Variants in DLGAP2 observed in about 807,000 individuals in gnomAD.
The protein encoded by DLGAP2 is DLG associated protein 2.
Under a neutral mutation model 100.3 loss-of-function variants are expected in DLGAP2, and 26 were observed. That is an observed-to-expected ratio of 0.26 (90% CI 0.19 to 0.36). DLGAP2 has a LOEUF of 0.36. Ranked by LOEUF, DLGAP2 falls within the 10% of genes least tolerant of loss-of-function variation. The pLI, the probability that DLGAP2 is intolerant of heterozygous loss-of-function variation, is 1.00. For synonymous variants in DLGAP2, 886 were observed against 630.1 expected (o/e 1.41, Z -6.08); for missense variants, 1,858 against 1,453.2 (o/e 1.28, Z -4.53).
intron 2 of DLGAP2, among the ~76,000 whole-genome samples, chr8:1,091,347 C>T (rs1223837105): frequency 6.6e-6 from 1 of 152,230 alleles, no homozygotes; most frequent in Non-Finnish European, 1.5e-5. Flanking sequence ...GTCTGCTGAG[C>T]ATTGGGTTGG....
chr8:1,592,063 C>CAAGGG (rs1796308729), intron 6 of DLGAP2, among the ~76,000 whole-genome samples: 2 of 152,164 alleles, frequency 1.3e-5, no homozygotes, highest in Non-Finnish European at 2.9e-5. Flanking sequence ...TCTCATTTAT[C>CAAGGG]CCTTATCCAC....
intron 3 of DLGAP2, among the ~76,000 whole-genome samples, chr8:1,284,744 TG>T (rs1799888944): frequency 1.3e-5 from 2 of 152,202 alleles, no homozygotes; most frequent in African/African-American, 4.8e-5. Context: ...CCCGAGTAGC[TG>T]GGACCACAGG....
At chr8:738,360 G>A (rs1004793413) in intron 1 of DLGAP2, among the ~76,000 whole-genome samples, 2 of 151,686 alleles carry the variant, frequency 1.3e-5, no homozygotes, top group African/African-American at 4.8e-5. Flanking sequence ...GGGCGACCAG[G>A]ATGGGGCCCT....
intron 6 of DLGAP2, among the ~76,000 whole-genome samples, chr8:1,607,670 C>G (rs9720612): frequency 6.6e-6 from 1 of 152,050 alleles, no homozygotes; most frequent in African/African-American, 2.4e-5. Flanking sequence ...TGGGCGCAGG[C>G]CAGTGGGTGC....
chr8:788,185 C>T (rs960636933), intron 1 of DLGAP2, among the ~76,000 whole-genome samples: 3 of 152,210 alleles, frequency 2.0e-5, no homozygotes, highest in South Asian at 2.1e-4. Context: ...GCTGGTACGT[C>T]GCTCCCAAAT....
chr8:1,449,482 G>A (rs1798076562), intron 3 of DLGAP2, among the ~76,000 whole-genome samples: 1 of 152,198 alleles, frequency 6.6e-6, no homozygotes, highest in South Asian at 2.1e-4. Context: ...GACGGCACCA[G>A]CGGGCATGGA....
At chr8:1,007,463 A>C (rs977228234) in intron 2 of DLGAP2, among the ~76,000 whole-genome samples, 1 of 152,248 alleles carries the variant, frequency 6.6e-6, no homozygotes, top group Non-Finnish European at 1.5e-5. Context: ...AGGCAAGAGC[A>C]AGTCAGCTGA....
chr8:1,237,375 T>TA, intron 2 of DLGAP2, among the ~76,000 whole-genome samples: 5 of 99,652 alleles, frequency 5.0e-5, no homozygotes, highest in East Asian at 3.1e-4. Context: ...GCGCCGTGTC[T>TA]GTTTCTCTCA....
intron 2 of DLGAP2, among the ~76,000 whole-genome samples, chr8:1,074,696 GA>G (rs1803548484): frequency 6.6e-6 from 1 of 152,212 alleles, no homozygotes; most frequent in South Asian, 2.1e-4. Context: ...TTGGGGAAAG[GA>G]AGAGAGCATT....
intron 2 of DLGAP2, among the ~76,000 whole-genome samples, chr8:925,936 C>G (rs549604414): frequency 4.6e-5 from 7 of 152,208 alleles, no homozygotes; most frequent in African/African-American, 1.7e-4. Flanking sequence ...AATGGGGTTG[C>G]GCTCACAGGA....
rs528984904 is a variant in DLGAP2 at position 1,581,869 on chromosome 8, C to T, written c.1442+15975C>T. ...ACAGACAAACCCCCACACATATATA[C>T]ACACCATAGTCAAACTACCAGAAGT... On this transcript the variant is annotated intron_variant, in intron 6 of 14. Coordinates refer to ENST00000637795, the MANE Select transcript of DLGAP2 (RefSeq NM_001346810.2). Among the ~76,000 whole-genome samples the T allele has an allele frequency of 4.6e-5, 7 of 150,854 alleles. 1 individual carries two copies. In the South Asian group the frequency reaches 8.4e-4, roughly 18 times the overall value.
chr8:1,591,094 T>A (rs1315254842), intron 6 of DLGAP2, among the ~76,000 whole-genome samples: 1 of 152,218 alleles, frequency 6.6e-6, no homozygotes, highest in Admixed American at 6.5e-5. Flanking sequence ...GCTGCAGAAC[T>A]GGGTGCACTC....
chr8:1,174,692 C>T (rs893787380), intron 2 of DLGAP2, among the ~76,000 whole-genome samples: 1 of 132,282 alleles, frequency 7.6e-6, no homozygotes, highest in Non-Finnish European at 1.5e-5. Context: ...ATCATCATTA[C>T]CATCACCACC....
chr8:1,513,436 C>A (rs1488742891), intron 4 of DLGAP2, among the ~76,000 whole-genome samples: 1 of 152,142 alleles, frequency 6.6e-6, no homozygotes, highest in African/African-American at 2.4e-5. Context: ...CGGTGGGATA[C>A]ACGTCCGCCT....
intron 3 of DLGAP2, among the ~76,000 whole-genome samples, chr8:1,501,153 T>A (rs1799709668): frequency 6.6e-6 from 1 of 152,184 alleles, no homozygotes; most frequent in Non-Finnish European, 1.5e-5. Context: ...AATACGTGCA[T>A]CTGTGGTCAC....
chr8:1,519,823 A>C (rs1800524532), intron 4 of DLGAP2, among the ~76,000 whole-genome samples: 1 of 152,222 alleles, frequency 6.6e-6, no homozygotes, highest in Non-Finnish European at 1.5e-5. Flanking sequence ...TCAGCAGGTG[A>C]TGGCCCCGGC....
chr8:1,421,462 C>T (rs904662123), intron 3 of DLGAP2, among the ~76,000 whole-genome samples: 3 of 152,154 alleles, frequency 2.0e-5, no homozygotes, highest in Non-Finnish European at 4.4e-5. Flanking sequence ...CCAACACAAT[C>T]TGAAAATGCA....
chr8:973,405 C>T (rs1406030139), intron 2 of DLGAP2, among the ~76,000 whole-genome samples: 32 of 151,498 alleles, frequency 2.1e-4, no homozygotes, highest in Non-Finnish European at 2.1e-4. Context: ...ACGGGGCGGC[C>T]GGGCAGAGAC....
At chr8:851,527 T>G (rs1273237797) in intron 1 of DLGAP2, among the ~76,000 whole-genome samples, 1 of 152,188 alleles carries the variant, frequency 6.6e-6, no homozygotes, top group African/African-American at 2.4e-5. Context: ...ATTTGATCAT[T>G]TCAGTATAAT....
Sources: allele counts gnomAD v4.1 joint callset (sites outside exome capture counted in the v4.1 genomes callset), GRCh38; gene constraint gnomAD v4.1.1; transcripts MANE v1.5; gene names NCBI Gene and HGNC (gene_info 2026-07-23, HGNC 2026-07-21).